The following POU2F1 variants were observed in gnomAD, a reference collection of about 807,000 sequenced individuals.
POU2F1 encodes POU domain, class 2, transcription factor 1.
POU2F1 carries 16 observed loss-of-function variants against 84.9 expected under a neutral mutation model. The ratio of observed to expected loss-of-function variants is 0.19; its 90% CI spans 0.13 to 0.29. The LOEUF (loss-of-function observed/expected upper bound fraction) is 0.29. Among genes scored for constraint, POU2F1 ranks in the 10% least tolerant of loss-of-function variants. POU2F1 has a pLI of 1.00. For synonymous variants in POU2F1, 368 were observed against 368.3 expected (o/e 1.00, Z 0.01); for missense variants, 738 against 942.6 (o/e 0.78, Z 2.84).
At chr1:167,251,753 C>G (rs577548726) in intron 1 of POU2F1, among the ~76,000 whole-genome samples, 6 of 152,074 alleles carry the variant, frequency 3.9e-5, no homozygotes, top group Admixed American at 2.6e-4. Flanking sequence ...ATGAAAACAC[C>G]ATATCACTTT....
intron 11 of POU2F1, 74 bp from the exon 12 acceptor site, chr1:167,399,107 AACCTG>A (rs1267785772): frequency 5.4e-5 from 75 of 1,392,960 alleles, no homozygotes; most frequent in Non-Finnish European, 7.1e-5. Flanking sequence ...TTCATTTTCT[AACCTG>A]ACGTGATTAT....
chr1:167,303,826 CTT>C (rs1272828007), intron 1 of POU2F1, among the ~76,000 whole-genome samples: 4 of 152,032 alleles, frequency 2.6e-5, no homozygotes, highest in Non-Finnish European at 5.9e-5. Flanking sequence ...ACTCTGGTCT[CTT>C]TTGAAAAGGT....
Position 167,393,293 on chromosome 1 carries a change from A to T in POU2F1, c.988-2993A>T, listed in dbSNP as rs555786568. On this transcript the variant is annotated intron_variant, in intron 9 of 15. Coordinates refer to ENST00000367866, the MANE Select transcript of POU2F1 (RefSeq NM_002697.4). The stretch of plus-strand genomic sequence containing the variant: ...CTGTACCGAATTAATGAAAATTAGT[A>T]TGTTAACTGAGGAGTCTGTTGCTTT... Among the ~76,000 whole-genome samples the T allele has an allele frequency of 8.5e-5, 13 of 152,338 alleles. No homozygotes were observed. In the South Asian group the frequency reaches 2.7e-3, roughly 32 times the overall value.
chr1:167,414,247 G>T (rs1650160942), intron 15 of POU2F1: 1 of 883,244 alleles, frequency 1.1e-6, no homozygotes, highest in Non-Finnish European at 1.4e-6. Flanking sequence ...TTTTGCAATA[G>T]AATTTGTGAT....
chr1:167,276,758 T>C (rs796426224), intron 1 of POU2F1, among the ~76,000 whole-genome samples: 8 of 152,194 alleles, frequency 5.3e-5, no homozygotes, highest in African/African-American at 1.9e-4. Flanking sequence ...AAAAATGAAG[T>C]ATTTTCAGTT....
chr1:167,382,586 C>T (rs1183018538), intron 7 of POU2F1, among the ~76,000 whole-genome samples: 1 of 152,162 alleles, frequency 6.6e-6, no homozygotes, highest in Non-Finnish European at 1.5e-5. Flanking sequence ...TTATAAAGAT[C>T]ACCCTAACTA....
rs1648228665 is a variant in POU2F1 at position 167,389,483 on chromosome 1, C to T, written c.814-105C>T. ...ACATTCTGTAGTGTTACATGGTCTTCATCGTTATCCATAAATGTGGCTCTT... is the reference window on the plus strand; with the variant it reads ...ACATTCTGTAGTGTTACATGGTCTTTATCGTTATCCATAAATGTGGCTCTT... On this transcript the variant is annotated intron_variant, in intron 8 of 15. Coordinates refer to ENST00000367866, the MANE Select transcript of POU2F1 (RefSeq NM_002697.4). 1.1e-5 allele frequency: 14 copies of T among 1,231,890 alleles called. 1 individual carries two copies. In the South Asian group the frequency reaches 2.0e-4, roughly 17 times the overall value. 76.3% of individuals were successfully genotyped at this position (1,231,890 alleles called of 1,614,324 possible). A position where few individuals can be genotyped will look rare whatever the true frequency, so the allele number is the denominator to read the frequency against.
At chr1:167,235,427 T>A (rs1202759253) in intron 1 of POU2F1, among the ~76,000 whole-genome samples, 2 of 152,188 alleles carry the variant, frequency 1.3e-5, no homozygotes, top group East Asian at 1.9e-4. Flanking sequence ...AATTAACAAT[T>A]TATGAGTGTT....
chr1:167,367,791 CA>C (rs918691813), intron 3 of POU2F1, among the ~76,000 whole-genome samples: 2 of 151,650 alleles, frequency 1.3e-5, no homozygotes, highest in African/African-American at 4.9e-5. Flanking sequence ...TGTACACGTA[CA>C]AATTTTTTTT....
intron 1 of POU2F1, among the ~76,000 whole-genome samples, chr1:167,243,691 G>T (rs1430887498): frequency 1.3e-5 from 2 of 152,108 alleles, no homozygotes; most frequent in Admixed American, 6.5e-5. Context: ...GGCTAGGCTG[G>T]TCTCGAACTC....
At chr1:167,357,801 A>ATTTT (rs71572451) in intron 2 of POU2F1, among the ~76,000 whole-genome samples, 54 of 119,222 alleles carry the variant, frequency 4.5e-4, no homozygotes, top group Non-Finnish European at 6.7e-4. Flanking sequence ...TTATTAATTG[A>ATTTT]TTTTTTTTTT....
At chr1:167,317,711 C>T (rs368160685) in intron 1 of POU2F1, among the ~76,000 whole-genome samples, 163 of 152,268 alleles carry the variant, frequency 1.1e-3, no homozygotes, top group African/African-American at 3.4e-3. Context: ...TGTTCCTTGC[C>T]CTCCTTCCGG....
At position 167,418,980 on chromosome 1, in the gene POU2F1, T is replaced by C. The variant is rs548803762; in HGVS notation, c.*3170T>C. ...GTGAAATGAAAGGTACATTTACACA[T>C]GTACACACGAAACACTAATATAGCT... On this transcript the variant is annotated 3_prime_UTR_variant, in exon 16 of 16. Coordinates refer to ENST00000367866, the MANE Select transcript of POU2F1 (RefSeq NM_002697.4). 1.3e-5 allele frequency: 2 copies of C among 152,358 alleles called. No homozygotes were observed. Among genetic ancestry groups the C allele is most frequent in the East Asian group, 3.8e-4 (2 of 5,196 alleles). The allele number at this position is 152,358 out of a possible 1,614,324, so 9.4% of individuals were successfully genotyped here.
chr1:167,266,008 A>G (rs1651924122), intron 1 of POU2F1, among the ~76,000 whole-genome samples: 5 of 152,252 alleles, frequency 3.3e-5, no homozygotes, highest in Admixed American at 3.3e-4. Flanking sequence ...TGTGATTAGA[A>G]TGGTTGCACT....
At chr1:167,346,939 A>T (rs1658244350) in intron 2 of POU2F1, among the ~76,000 whole-genome samples, 1 of 152,216 alleles carries the variant, frequency 6.6e-6, no homozygotes, top group African/African-American at 2.4e-5. Context: ...GGCAGCTCAG[A>T]TGGAAGAAAC....
In POU2F1 at chr1:167,220,962, AT is replaced by A; in HGVS notation, c.61+5del. On this transcript the variant is annotated splice_donor_5th_base_variant and intron_variant, in intron 1 of 15. Transcript: ENST00000367866. ...GCCGCGGCGGCAGCAGCAGCAGGTA[AT>A]CATTACAGCATTTTACATATTCATA... is the stretch of plus-strand genomic sequence containing the variant. The A allele has an allele frequency of 2.0e-6, 3 of 1,534,722 alleles. No homozygotes were observed. The highest frequency in any genetic ancestry group is 2.6e-6 in the Non-Finnish European group (3 of 1,146,334).
intron 1 of POU2F1, 114 bp downstream of exon 1, chr1:167,221,072 G>A (rs1317085221): frequency 1.1e-6 from 1 of 951,740 alleles, no homozygotes; most frequent in Non-Finnish European, 1.6e-6. Flanking sequence ...AATTAACGGC[G>A]GGGAGATGGG....
intron 1 of POU2F1, among the ~76,000 whole-genome samples, chr1:167,228,572 G>A (rs1020228435): frequency 6.6e-5 from 10 of 152,166 alleles, no homozygotes; most frequent in African/African-American, 2.4e-4. Context: ...TATGGACACT[G>A]AATTGTCTAA....
In POU2F1 at chr1:167,415,660, TGCC is replaced by T; in HGVS notation, c.2157_2159del (p.Ala721del). The T allele has an allele frequency of 6.2e-7, 1 of 1,614,200 alleles. No homozygotes were observed. Among genetic ancestry groups the T allele is most frequent in the Non-Finnish European group, 8.5e-7 (1 of 1,180,030 alleles). On this transcript the variant is annotated inframe_deletion, in exon 16 of 16. Coordinates refer to ENST00000367866, the MANE Select transcript of POU2F1 (RefSeq NM_002697.4). ...CCAGCAACCCTGTTAGCTTGGTCTC[TGCC>T]GCCGCAGCATCTGCAGGGAACTCTG...
Sources: gnomAD v4.1 joint callset for allele counts (sites outside exome capture counted in the v4.1 genomes callset) on GRCh38, gnomAD v4.1.1 for gene constraint, MANE v1.5 for transcripts, NCBI Gene and HGNC (gene_info 2026-07-23, HGNC 2026-07-21) for gene names.